The following CUL3 variants were observed in gnomAD, a reference collection of about 807,000 sequenced individuals.
The protein encoded by CUL3 is cullin-3.
In CUL3, 19 loss-of-function variants were observed where a neutral mutation model predicts 89.1. That is an observed-to-expected ratio of 0.21 (90% CI 0.15 to 0.31). The LOEUF (loss-of-function observed/expected upper bound fraction) is 0.31. Among genes scored for constraint, CUL3 ranks in the 10% least tolerant of loss-of-function variants. The pLI, the probability that CUL3 is intolerant of heterozygous loss-of-function variation, is 1.00. For synonymous variants in CUL3, 351 were observed against 308.4 expected (o/e 1.14, Z -1.45); for missense variants, 469 against 942.3 (o/e 0.50, Z 6.58).
rs766013027 is a variant in CUL3 at position 224,503,646 on chromosome 2, C to G, written c.1377+6G>C. The G allele has an allele frequency of 6.4e-7, 1 of 1,571,574 alleles. No individual in the cohort carries two copies. Among genetic ancestry groups the G allele is most frequent in the Non-Finnish European group, 8.6e-7 (1 of 1,162,340 alleles). On this transcript the variant is annotated splice_donor_region_variant and intron_variant, in intron 9 of 15. Transcript: ENST00000264414. ...TGCACTCTATTTCATCTAAAACACA[C>G]CTTACCTTTAACTTAGATATCATGT...
rs544805149 is a variant in CUL3 at position 224,581,819 on chromosome 2, G to A, written c.66+3125C>T. Among the ~76,000 whole-genome samples, 91 of 151,954 alleles carry A rather than the reference G, an allele frequency of 6.0e-4. 2 individuals are homozygous for A. Among genetic ancestry groups the A allele is most frequent in the African/African-American group, 2.0e-3 (84 of 41,452 alleles). ...AAGGTGTGAATCACCTTGCCCGGCCGAGTGCTTGACACTTTTGGTGAAACT... is the reference window on the plus strand; with the variant it reads ...AAGGTGTGAATCACCTTGCCCGGCCAAGTGCTTGACACTTTTGGTGAAACT... On this transcript the variant is annotated intron_variant, in intron 1 of 15. Coordinates refer to ENST00000264414, the MANE Select transcript of CUL3 (RefSeq NM_003590.5).
chr2:224,547,930 T>A (rs1281133185), intron 2 of CUL3, among the ~76,000 whole-genome samples: 1 of 152,010 alleles, frequency 6.6e-6, no homozygotes, highest in African/African-American at 2.4e-5. Context: ...CAAACAAATA[T>A]AAAATTTAAA....
intron 2 of CUL3, among the ~76,000 whole-genome samples, chr2:224,555,309 A>C (rs903790231): frequency 6.6e-6 from 1 of 152,156 alleles, no homozygotes; most frequent in Non-Finnish European, 1.5e-5. Flanking sequence ...CCAGTAAGCA[A>C]TCTTTGTCTA....
chr2:224,498,619 G>A (rs1692260469), intron 11 of CUL3, among the ~76,000 whole-genome samples: 2 of 152,308 alleles, frequency 1.3e-5, no homozygotes, highest in African/African-American at 4.8e-5. Flanking sequence ...TTGGACAGCA[G>A]ACATATCATG....
At chr2:224,498,038 A>C (rs909211685) in intron 11 of CUL3, among the ~76,000 whole-genome samples, 189 bp from the exon 12 acceptor site, 5 of 152,146 alleles carry the variant, frequency 3.3e-5, no homozygotes, top group Non-Finnish European at 7.4e-5. Flanking sequence ...AGAGAGTCCT[A>C]AGTAACTCAG....
At chr2:224,486,969 T>A (rs1026491100) in intron 13 of CUL3, among the ~76,000 whole-genome samples, 4 of 152,072 alleles carry the variant, frequency 2.6e-5, no homozygotes, top group Middle Eastern at 3.2e-3. Context: ...TATTCAACAA[T>A]CTTAAAGAGA....
chr2:224,551,079 T>C (rs994979205), intron 2 of CUL3, among the ~76,000 whole-genome samples: 1 of 152,060 alleles, frequency 6.6e-6, no homozygotes, highest in African/African-American at 2.4e-5. Context: ...TTTTTTTTTT[T>C]TTTTAATCGC....
chr2:224,490,031 G>C (rs1008424541), intron 13 of CUL3, among the ~76,000 whole-genome samples: 2 of 152,180 alleles, frequency 1.3e-5, no homozygotes, highest in Non-Finnish European at 2.9e-5. Flanking sequence ...CCATCAAAAA[G>C]TGGACAAAGG....
chr2:224,511,242 C>T (rs1334291492), intron 6 of CUL3, 112 bp downstream of exon 6: 2 of 700,128 alleles, frequency 2.9e-6, no homozygotes, highest in African/African-American at 3.7e-5. Context: ...ATTAACAATA[C>T]ACACCAAAAC....
At chr2:224,576,423 A>G (rs571350702) in intron 1 of CUL3, among the ~76,000 whole-genome samples, 32 of 152,308 alleles carry the variant, frequency 2.1e-4, no homozygotes, top group African/African-American at 7.0e-4. Context: ...TACATACAGA[A>G]GTGCCACATG....
At chr2:224,583,763 A>G (rs1424896969) in intron 1 of CUL3, among the ~76,000 whole-genome samples, 2 of 152,212 alleles carry the variant, frequency 1.3e-5, no homozygotes, top group Non-Finnish European at 2.9e-5. Context: ...CTCTGAAACT[A>G]AATCACTTGA....
chr2:224,474,928 T>TA (rs1691259533), intron 15 of CUL3, among the ~76,000 whole-genome samples: 1 of 152,236 alleles, frequency 6.6e-6, no homozygotes, highest in African/African-American at 2.4e-5. Flanking sequence ...AGTACTGTGC[T>TA]ATATATAATA....
At chr2:224,495,558 T>C in intron 13 of CUL3, 1 of 230,578 alleles carries the variant, frequency 4.3e-6, no homozygotes, top group East Asian at 9.6e-5. Context: ...ATTCTTGTGA[T>C]GGTAGTTACA....
intron 1 of CUL3, among the ~76,000 whole-genome samples, chr2:224,570,980 A>G (rs186634978): frequency 3.9e-4 from 60 of 152,340 alleles, no homozygotes; most frequent in African/African-American, 1.3e-3. Flanking sequence ...TCTTTCGACT[A>G]TATCTCTGTG....
At chr2:224,565,408 G>A (rs543405074) in intron 1 of CUL3, among the ~76,000 whole-genome samples, 2 of 152,278 alleles carry the variant, frequency 1.3e-5, no homozygotes, top group Non-Finnish European at 2.9e-5. Flanking sequence ...AGATGGAGGA[G>A]GGAGAGGTAG....
At chr2:224,521,519 C>G (rs1574653466) in intron 3 of CUL3, among the ~76,000 whole-genome samples, 1 of 151,856 alleles carries the variant, frequency 6.6e-6, no homozygotes, top group Admixed American at 6.6e-5. Flanking sequence ...CAACTTCCGC[C>G]TCCCAGGTTC....
At chr2:224,538,801 AG>A (rs1488167745) in intron 2 of CUL3, among the ~76,000 whole-genome samples, 1 of 152,200 alleles carries the variant, frequency 6.6e-6, no homozygotes, top group Non-Finnish European at 1.5e-5. Flanking sequence ...AGCTTTGCAA[AG>A]GAAGAAAGAG....
At chr2:224,477,618 C>T (rs1691373471) in intron 15 of CUL3, among the ~76,000 whole-genome samples, 1 of 152,202 alleles carries the variant, frequency 6.6e-6, no homozygotes, top group Non-Finnish European at 1.5e-5. Flanking sequence ...TTACATTACC[C>T]TTCTCTTTTT....
intron 1 of CUL3, among the ~76,000 whole-genome samples, chr2:224,579,746 C>A (rs1359653559): frequency 1.3e-5 from 2 of 152,178 alleles, no homozygotes; most frequent in African/African-American, 4.8e-5. Flanking sequence ...TTCCAGGACC[C>A]CAGGGTAGAG....
Sources: allele counts gnomAD v4.1 joint callset (sites outside exome capture counted in the v4.1 genomes callset), GRCh38; gene constraint gnomAD v4.1.1; transcripts MANE v1.5; gene names NCBI Gene and HGNC (gene_info 2026-07-23, HGNC 2026-07-21).